PRKCH: variants seen among roughly 807,000 people sequenced by gnomAD.
PRKCH encodes protein kinase C eta.
PRKCH carries 28 observed loss-of-function variants against 82.5 expected under a neutral mutation model. The ratio of observed to expected loss-of-function variants is 0.34; its 90% CI spans 0.25 to 0.47. The LOEUF is 0.47. Among genes scored for constraint, PRKCH ranks in the 20% least tolerant of loss-of-function variants. The pLI, the probability that PRKCH is intolerant of heterozygous loss-of-function variation, is 1.00. For missense variants in PRKCH, 705 were observed against 881.8 expected (o/e 0.80, Z 2.54); for synonymous variants, 322 against 327.4 (o/e 0.98, Z 0.18).
intron 1 of PRKCH, among the ~76,000 whole-genome samples, chr14:61,266,490 C>G (rs772419971): frequency 3.9e-5 from 6 of 152,102 alleles, no homozygotes; most frequent in Non-Finnish European, 8.8e-5. Context: ...TAAATAGCCC[C>G]TGAAGCTGCA....
At position 61,421,796 on chromosome 14, in the gene PRKCH, G is replaced by A. The variant is rs540976224; in HGVS notation, c.428-21315G>A. ...TAAGCAGGCATAGGTGGTGCTGTGT[G>A]GTAAGAGCTTTGGTCTTGGTGCTAG... On this transcript the variant is annotated intron_variant, in intron 2 of 13. Transcript: ENST00000332981. Among the ~76,000 whole-genome samples, 6 of 152,334 alleles carry A rather than the reference G, an allele frequency of 3.9e-5. No individual in the cohort carries two copies. The South Asian group carries it at 8.3e-4, about 21-fold the overall frequency.
chr14:61,520,286 T>C (rs1255433952), intron 10 of PRKCH, among the ~76,000 whole-genome samples: 6 of 149,036 alleles, frequency 4.0e-5, no homozygotes, highest in Non-Finnish European at 9.1e-5. Flanking sequence ...TCCTCCTTTT[T>C]CCTCCTGTCT....
At chr14:61,372,785 C>T (rs1361965110) in intron 1 of PRKCH, among the ~76,000 whole-genome samples, 3 of 152,158 alleles carry the variant, frequency 2.0e-5, no homozygotes, top group Non-Finnish European at 4.4e-5. Flanking sequence ...TCTTGATACC[C>T]TAACTTTTTA....
rs1249756447 is a variant in PRKCH, at chr14:61,322,096, G to T, written c.-6G>T. The T allele has an allele frequency of 3.9e-6, 6 of 1,538,204 alleles. No individual in the cohort carries two copies. Among genetic ancestry groups the T allele is most frequent in the Non-Finnish European group, 5.3e-6 (6 of 1,136,584 alleles). On this transcript the variant is annotated 5_prime_UTR_variant, in exon 1 of 14. Transcript: ENST00000332981. ...GGCCCCCCGGGGCCGGGGCAGCGGC[G>T]CCGGCATGTCGTCTGGCACCATGAA... is the stretch of plus-strand genomic sequence containing the variant.
intron 2 of PRKCH, among the ~76,000 whole-genome samples, chr14:61,393,548 G>T (rs1835017841): frequency 6.6e-6 from 1 of 152,158 alleles, no homozygotes; most frequent in South Asian, 2.1e-4. Flanking sequence ...CTATGGGTGG[G>T]AAACAGCTGA....
intron 12 of PRKCH, among the ~76,000 whole-genome samples, chr14:61,535,508 A>G (rs1404556248): frequency 1.3e-5 from 2 of 152,206 alleles, no homozygotes; most frequent in African/African-American, 4.8e-5. Flanking sequence ...TTGAGAAAGG[A>G]GCAGTCCATT....
chr14:61,437,562 G>C (rs1269936368), intron 2 of PRKCH, among the ~76,000 whole-genome samples: 1 of 152,140 alleles, frequency 6.6e-6, no homozygotes, highest in African/African-American at 2.4e-5. Flanking sequence ...TCTGTCATTG[G>C]CTGCTTGACC....
At chr14:61,198,790 T>C (rs1431851722) in intron 1 of PRKCH, among the ~76,000 whole-genome samples, 1 of 152,194 alleles carries the variant, frequency 6.6e-6, no homozygotes, top group Non-Finnish European at 1.5e-5. Context: ...AGGCTATGTT[T>C]GGAAAATGGG....
chr14:61,541,289 G>C (rs2140030231), intron 12 of PRKCH, among the ~76,000 whole-genome samples: 1 of 152,394 alleles, frequency 6.6e-6, no homozygotes, highest in South Asian at 2.1e-4. Context: ...CGCATGCGTG[G>C]TGTGCTTCTC....
chr14:61,229,053 C>G (rs2044719544), intron 1 of PRKCH, among the ~76,000 whole-genome samples: 1 of 152,014 alleles, frequency 6.6e-6, no homozygotes, highest in South Asian at 2.1e-4. Flanking sequence ...AGAAATTCCA[C>G]TGGTAGGAAT....
chr14:61,437,784 T>C (rs1324616209), intron 2 of PRKCH, among the ~76,000 whole-genome samples: 1 of 152,074 alleles, frequency 6.6e-6, no homozygotes, highest in African/African-American at 2.4e-5. Flanking sequence ...TTCTAGACAA[T>C]AGACAGTTGA....
intron 2 of PRKCH, among the ~76,000 whole-genome samples, chr14:61,435,530 A>T (rs988178935): frequency 2.0e-5 from 3 of 152,136 alleles, no homozygotes; most frequent in African/African-American, 7.2e-5. Flanking sequence ...GCTACTTAGA[A>T]ATAAGTTTAT....
At chr14:61,354,524 A>T (rs537536293) in intron 1 of PRKCH, among the ~76,000 whole-genome samples, 5 of 151,248 alleles carry the variant, frequency 3.3e-5, no homozygotes, top group Admixed American at 6.6e-5. Context: ...TTCTTAGGGA[A>T]TATTTTTTTC....
At chr14:61,352,694 GAAAGAAAGAAAGAAAGAAA>G (rs2046096842) in intron 1 of PRKCH, among the ~76,000 whole-genome samples, 2 of 87,326 alleles carry the variant, frequency 2.3e-5, no homozygotes, top group African/African-American at 8.6e-5. Flanking sequence ...GGAAAGGAAA[GAAAGAAAGAAAGAAAGAAA>G]GAAAGAAAGA....
At chr14:61,290,042 C>T (rs1172393464) in intron 1 of PRKCH, among the ~76,000 whole-genome samples, 2 of 152,036 alleles carry the variant, frequency 1.3e-5, no homozygotes, top group Admixed American at 6.5e-5. Context: ...GCCTGTTATC[C>T]CAGCACTTGG....
At chr14:61,213,969 GA>G (rs2044600375) in intron 1 of PRKCH, among the ~76,000 whole-genome samples, 1 of 152,208 alleles carries the variant, frequency 6.6e-6, no homozygotes, top group Admixed American at 6.5e-5. Flanking sequence ...AGACAACTTA[GA>G]GGCACACATT....
At chr14:61,426,692 A>C (rs1431396165) in intron 2 of PRKCH, among the ~76,000 whole-genome samples, 2 of 152,356 alleles carry the variant, frequency 1.3e-5, no homozygotes, top group South Asian at 2.1e-4. Context: ...AGAAGGCTAT[A>C]GCTTATTTTA....
At chr14:61,248,729 C>G (rs960183613) in intron 1 of PRKCH, among the ~76,000 whole-genome samples, 5 of 152,016 alleles carry the variant, frequency 3.3e-5, no homozygotes, top group African/African-American at 4.8e-5. Flanking sequence ...GAAGTTAAAA[C>G]TCACCTAATT....
chr14:61,265,077 C>T (rs1461929712), intron 1 of PRKCH, among the ~76,000 whole-genome samples: 1 of 152,064 alleles, frequency 6.6e-6, no homozygotes, highest in African/African-American at 2.4e-5. Context: ...TTGGAAGGAA[C>T]CAAATCCAAA....
Sources: allele counts gnomAD v4.1 joint callset (sites outside exome capture counted in the v4.1 genomes callset), GRCh38; gene constraint gnomAD v4.1.1; transcripts MANE v1.5; gene names NCBI Gene and HGNC (gene_info 2026-07-23, HGNC 2026-07-21).